Variants in OSBPL8 observed in about 807,000 individuals in gnomAD.
OSBPL8 encodes oxysterol binding protein like 8, also known as oxysterol-binding protein-related protein 8.
OSBPL8 carries 59 observed loss-of-function variants against 125.5 expected under a neutral mutation model. That is an observed-to-expected ratio of 0.47 (90% CI 0.38 to 0.58). The LOEUF (loss-of-function observed/expected upper bound fraction) is 0.58. OSBPL8 is among the 20% of genes least tolerant of loss of function. OSBPL8 has a pLI of 0.00. For synonymous variants in OSBPL8, 330 were observed against 338.9 expected, an observed-to-expected ratio of 0.97 and a Z score of 0.29; for missense variants, 758 against 1,047.8, an observed-to-expected ratio of 0.72 and a Z score of 3.82.
At chr12:76,451,413 T>C (rs936335762) in intron 3 of OSBPL8, among the ~76,000 whole-genome samples, 16 of 152,128 alleles carry the variant, frequency 1.1e-4, no homozygotes, top group Non-Finnish European at 1.9e-4. Context: ...AAACTACAAA[T>C]TACTAGCAGT....
chr12:76,531,931 G>GA (rs1340245804), intron 1 of OSBPL8, among the ~76,000 whole-genome samples: 1 of 151,612 alleles, frequency 6.6e-6, no homozygotes, highest in African/African-American at 2.4e-5. Flanking sequence ...CAGCTACTCA[G>GA]GCGGCTGAGG....
Position 76,483,660 on chromosome 12 carries a change from CTTTTTTTTTTTT to C in OSBPL8, c.42+3838_42+3849del, listed in dbSNP as rs869202382. On this transcript the variant is annotated intron_variant, in intron 2 of 23. Transcript: ENST00000261183. Reference sequence around the variant, plus strand: ...CTCACCCCAAGATCACTGTAATAGTCTTTTTTTTTTTTTTTTTTTTTTTTTTTTTTTGAGACA... The same window carrying C: ...CTCACCCCAAGATCACTGTAATAGTCTTTTTTTTTTTTTTTTTTTGAGACA... 2.2e-3 allele frequency among the ~76,000 whole-genome samples: 124 copies of C among 57,454 alleles called. 1 individual carries two copies. The Middle Eastern group carries it at 0.074, about 34-fold the overall frequency. 37.7% of individuals were successfully genotyped at this position (57,454 alleles called of 152,430 possible). A position where few individuals can be genotyped will look rare whatever the true frequency, so the allele number is the denominator to read the frequency against.
chr12:76,442,160 G>A (rs971159273), intron 4 of OSBPL8, among the ~76,000 whole-genome samples: 2 of 151,992 alleles, frequency 1.3e-5, no homozygotes, highest in African/African-American at 4.8e-5. Flanking sequence ...AATTAATAAG[G>A]CCGGGCAAGA....
intron 3 of OSBPL8, 71 bp from the exon 4 acceptor site, chr12:76,451,059 G>A: frequency 6.8e-7 from 1 of 1,464,278 alleles, no homozygotes; most frequent in South Asian, 1.4e-5. Context: ...TTAATAACAT[G>A]GAATAAGATC....
chr12:76,498,099 T>C (rs1040596849), intron 1 of OSBPL8, among the ~76,000 whole-genome samples: 3 of 152,244 alleles, frequency 2.0e-5, no homozygotes, highest in Admixed American at 6.5e-5. Context: ...CTCAGGCAAA[T>C]GATTTTTTAA....
rs1204048721 is a variant in OSBPL8, at chr12:76,375,365, G to T, written c.1735C>A (p.Leu579Ile). The change falls in exon 17 of 24, where the codon CTT becomes ATT. Residue 579 changes from leucine (L) to isoleucine (I), a missense_variant. Coordinates refer to ENST00000261183, the MANE Select transcript of OSBPL8 (RefSeq NM_020841.5). ...AGCTCCAGTGTCATTGTACCATAAA[G>T]AATTCCTAAAGGAAAAAGATTTGAC... is the stretch of plus-strand genomic sequence containing the variant. ...TMPYAHCKGILYGTMTLELGG... is the reference protein window; with the variant it reads ...TMPYAHCKGIIYGTMTLELGG... 4 of 1,609,274 alleles carry T rather than the reference G, an allele frequency of 2.5e-6. No homozygotes were observed. The highest frequency in any genetic ancestry group is 3.4e-6 in the Non-Finnish European group (4 of 1,177,120).
intron 1 of OSBPL8, among the ~76,000 whole-genome samples, chr12:76,493,252 A>G (rs1878925597): frequency 6.6e-6 from 1 of 152,208 alleles, no homozygotes; most frequent in African/African-American, 2.4e-5. Context: ...GCTCCAAACC[A>G]ATCAAAATTT....
chr12:76,369,722 C>A lies in OSBPL8; in HGVS notation c.2155G>T (p.Asp719Tyr), dbSNP rs566035076. 6.2e-7 allele frequency: 1 copy of A among 1,613,656 alleles called. No homozygotes were observed. The highest frequency in any genetic ancestry group is 1.1e-5 in the South Asian group (1 of 91,066). ...LEEAQRQAAR[D>Y]RKTKNEEWSC... ...CACTCTTCATTTTTTGTTTTCCGAT[C>A]CCTGGCAGCTTGTCTTTGAGCTTCT... Residue 719 changes from aspartate (D) to tyrosine (Y), a missense_variant, in exon 20 of 24, where the codon GAT becomes TAT. Physicochemically the swap from Asp to Tyr is radical, Grantham distance 160. Around this residue, in one of 3 missense-constraint regions of OSBPL8, gnomAD observed 572 missense variants for 762.0 expected, o/e 0.75. Coordinates refer to ENST00000261183, the MANE Select transcript of OSBPL8 (RefSeq NM_020841.5).
At chr12:76,547,952 A>C (rs1208896132) in intron 1 of OSBPL8, among the ~76,000 whole-genome samples, 1 of 152,190 alleles carries the variant, frequency 6.6e-6, no homozygotes, top group Middle Eastern at 3.2e-3. Flanking sequence ...GGCACAAACA[A>C]CTATACAAAT....
intron 4 of OSBPL8, among the ~76,000 whole-genome samples, chr12:76,440,872 C>T (rs1473485965): frequency 3.3e-5 from 5 of 152,162 alleles, no homozygotes; most frequent in Admixed American, 2.6e-4. Flanking sequence ...GAGCTCATCA[C>T]CTCTAGAGTC....
rs189558230 is a variant in OSBPL8 at position 76,500,805 on chromosome 12, C to T, written c.-67-13187G>A. Among the ~76,000 whole-genome samples, 994 of 152,088 alleles carry T rather than the reference C, an allele frequency of 6.5e-3. 6 individuals are homozygous for T. The highest frequency in any genetic ancestry group is 0.037 in the Middle Eastern group (11 of 294). On this transcript the variant is annotated intron_variant, in intron 1 of 23. Transcript: ENST00000261183. Reference sequence around the variant, plus strand: ...TATAGATGTTAGAAACAAGCCTCTGCTTTTACAGGTGATCATAAAAACTGA... The same window carrying T: ...TATAGATGTTAGAAACAAGCCTCTGTTTTTACAGGTGATCATAAAAACTGA...
At chr12:76,474,448 T>A (rs1012812727) in intron 2 of OSBPL8, among the ~76,000 whole-genome samples, 13 of 152,092 alleles carry the variant, frequency 8.5e-5, no homozygotes, top group African/African-American at 1.9e-4. Context: ...TATATATATA[T>A]AATTTAATTT....
In OSBPL8 at chr12:76,480,028, A is replaced by G. The variant is rs561847343; in HGVS notation, c.42+7482T>C. 5.7e-4 allele frequency among the ~76,000 whole-genome samples: 87 copies of G among 151,874 alleles called. 1 individual carries two copies. On this transcript the variant is annotated intron_variant, in intron 2 of 23. Transcript: ENST00000261183. ...CTAAAAATACAAAAATTAGCCGGGC[A>G]TGGTGGCGCATGCCTGTAATCCCAG...
At position 76,404,678 on chromosome 12, in the gene OSBPL8, A is replaced by AT. The variant is rs534494584; in HGVS notation, c.289-1913dup. On this transcript the variant is annotated intron_variant, in intron 5 of 23. Transcript: ENST00000261183. ...AACAGTAAATATACTTTCTCTTATG[A>AT]TTTTTTAAATAACATATTCTTTCCT... Among the ~76,000 whole-genome samples, 286 of 152,254 alleles carry AT rather than the reference A, an allele frequency of 1.9e-3. 1 individual carries two copies. Among genetic ancestry groups the AT allele is most frequent in the African/African-American group, 6.5e-3 (271 of 41,550 alleles).
intron 1 of OSBPL8, among the ~76,000 whole-genome samples, chr12:76,499,279 A>T (rs1272442935): frequency 6.6e-6 from 1 of 150,682 alleles, no homozygotes; most frequent in South Asian, 2.1e-4. Flanking sequence ...GGACCTTGTG[A>T]TCATGTAAGT....
chr12:76,498,725 CTTTTTTTTTTT>C (rs369287376), intron 1 of OSBPL8, among the ~76,000 whole-genome samples: 29 of 102,492 alleles, frequency 2.8e-4, no homozygotes, highest in African/African-American at 1.1e-3. Flanking sequence ...AGCCTCCCCA[CTTTTTTTTTTT>C]TTTTTTTTTT....
At chr12:76,521,844 C>T (rs180962864) in intron 1 of OSBPL8, among the ~76,000 whole-genome samples, 7 of 152,080 alleles carry the variant, frequency 4.6e-5, no homozygotes, top group African/African-American at 1.7e-4. Context: ...TTCAATTCTG[C>T]AAGACGAAGA....
At chr12:76,534,554 T>C (rs369467882) in intron 1 of OSBPL8, among the ~76,000 whole-genome samples, 25 of 152,322 alleles carry the variant, frequency 1.6e-4, no homozygotes, top group Admixed American at 5.9e-4. Context: ...TTCCTTAATA[T>C]ATACAATATC....
Position 76,355,776 on chromosome 12 carries a change from G to T in OSBPL8, c.*113C>A. ...TCAATACCTCTACATTTATCTCCTA[G>T]GTTTTTTTGTTTTCGGAATATTGTG... On this transcript the variant is annotated 3_prime_UTR_variant, in exon 24 of 24. Coordinates refer to ENST00000261183, the MANE Select transcript of OSBPL8 (RefSeq NM_020841.5). 1 of 1,186,740 alleles carries T rather than the reference G, an allele frequency of 8.4e-7. No individual in the cohort carries two copies. Among genetic ancestry groups the T allele is most frequent in the Non-Finnish European group, 1.2e-6 (1 of 857,862 alleles). 73.5% of individuals were successfully genotyped at this position (1,186,740 alleles called of 1,614,324 possible). A position where few individuals can be genotyped will look rare whatever the true frequency, so the allele number is the denominator to read the frequency against.
Sources: gnomAD v4.1 joint callset for allele counts (sites outside exome capture counted in the v4.1 genomes callset) on GRCh38, gnomAD v4.1.1 for gene constraint, gnomAD v4.1.1 regional missense constraint, MANE v1.5 for transcripts, NCBI Gene and HGNC (gene_info 2026-07-23, HGNC 2026-07-21) for gene names.